LRRC9: variants seen among roughly 807,000 people sequenced by gnomAD.
LRRC9 encodes leucine rich repeat containing 9, also known as leucine-rich repeat-containing protein 9.
Under a neutral mutation model 63.2 loss-of-function variants are expected in LRRC9, and 122 were observed. The ratio of observed to expected loss-of-function variants is 1.93; its 90% CI spans 1.67 to 2.24. LRRC9 has a LOEUF of 2.24. Among genes scored for constraint, LRRC9 ranks in the 30% most tolerant of loss-of-function variants. The pLI is 0.00. For synonymous variants in LRRC9, 366 were observed against 213.1 expected, an observed-to-expected ratio of 1.72 and a Z score of -6.25; for missense variants, 1,071 against 627.7, an observed-to-expected ratio of 1.71 and a Z score of -7.55.
intron 6 of LRRC9, among the ~76,000 whole-genome samples, chr14:59,937,890 A>AC (rs2139819110): frequency 6.6e-6 from 1 of 152,192 alleles, no homozygotes; most frequent in South Asian, 2.1e-4. Flanking sequence ...AACAAAACAA[A>AC]CAAAAAAAAC....
chr14:60,006,577 A>T lies in LRRC9; in HGVS notation c.3023A>T (p.Asn1008Ile), dbSNP rs1249613353. ...ACTCTTGTTGAGTTATACATAAGCA[A>T]TAACTATATTGCTGTCAATCAGGAG... Residue 1008 changes from asparagine to isoleucine, a missense_variant, in exon 22 of 32, where the codon AAT becomes ATT. Transcript: ENST00000445360. The T allele has an allele frequency of 8.6e-6, 6 of 699,988 alleles. No individual in the cohort carries two copies. In the Admixed American group the frequency reaches 1.0e-4, roughly 12 times the overall value. The allele number at this position is 699,988 out of a possible 1,614,324, so 43.4% of individuals were successfully genotyped here.
In LRRC9 at chr14:59,966,015, T is replaced by C. The variant is rs539358245; in HGVS notation, c.1212-574T>C. 1.4e-5 allele frequency among the ~76,000 whole-genome samples: 2 copies of C among 144,454 alleles called. No homozygotes were observed. The highest frequency in any genetic ancestry group is 1.4e-4 in the Admixed American group (2 of 14,216). 94.8% of individuals were successfully genotyped at this position (144,454 alleles called of 152,430 possible). A position where few individuals can be genotyped will look rare whatever the true frequency, so the allele number is the denominator to read the frequency against. On this transcript the variant is annotated intron_variant, in intron 10 of 31. Transcript: ENST00000445360. This position sits in a 1 kb window ranked among gnomAD's most constrained non-coding sequence, Gnocchi z 4.0. Reference sequence around the variant, plus strand: ...TGCCATATACTGAGATGGAAAATACTCAGAGGAGCAGGTTTGGGGTGCAGT... The same window carrying C: ...TGCCATATACTGAGATGGAAAATACCCAGAGGAGCAGGTTTGGGGTGCAGT...
intron 15 of LRRC9, among the ~76,000 whole-genome samples, chr14:59,978,363 T>C (rs964654126): frequency 1.3e-5 from 2 of 152,228 alleles, no homozygotes; most frequent in African/African-American, 4.8e-5. Context: ...CAGTCTACTT[T>C]GAAGATTCAA....
chr14:59,975,127 G>GTATA (rs1286444884), intron 13 of LRRC9, among the ~76,000 whole-genome samples: 1 of 9,148 alleles, frequency 1.1e-4, no homozygotes, highest in African/African-American at 2.1e-4. Flanking sequence ...ATATATATAT[G>GTATA]TATATATATA....
rs974976719 is a variant in LRRC9, at chr14:59,930,467, A to G, written c.268-451A>G. Reference sequence around the variant, plus strand: ...TTTTCAGAAAATTATTATAAACTTGAAATATTTCATAATTATTAAATATAA... The same window carrying G: ...TTTTCAGAAAATTATTATAAACTTGGAATATTTCATAATTATTAAATATAA... On this transcript the variant is annotated intron_variant, in intron 3 of 31. Coordinates refer to ENST00000445360, the Ensembl canonical transcript of LRRC9. This position sits in a 1 kb window ranked among gnomAD's most constrained non-coding sequence, Gnocchi z 4.9. Among the ~76,000 whole-genome samples the G allele has an allele frequency of 5.3e-5, 8 of 152,028 alleles. No homozygotes were observed. The highest frequency in any genetic ancestry group is 4.6e-4 in the Admixed American group (7 of 15,236).
chr14:59,952,107 C>T (rs1048335293), intron 8 of LRRC9, among the ~76,000 whole-genome samples: 2 of 152,028 alleles, frequency 1.3e-5, no homozygotes, highest in African/African-American at 4.8e-5. Context: ...GCCTCGCTGC[C>T]GCCTTGCAGT....
intron 31 of LRRC9, among the ~76,000 whole-genome samples, chr14:60,059,366 C>A (rs968290644): frequency 6.6e-6 from 1 of 152,112 alleles, no homozygotes; most frequent in Non-Finnish European, 1.5e-5. Flanking sequence ...AATAACCCTA[C>A]AATGACTTCT....
At chr14:59,981,811 G>A in intron 15 of LRRC9, 37 bp from the exon 16 acceptor site, 1 of 664,620 alleles carries the variant, frequency 1.5e-6, no homozygotes, top group South Asian at 1.7e-5. Context: ...GATAAATACA[G>A]CAACTGATTT....
At chr14:60,000,412 ACCTG>A (rs1889241659) in intron 19 of LRRC9, among the ~76,000 whole-genome samples, 1 of 152,106 alleles carries the variant, frequency 6.6e-6, no homozygotes, top group Admixed American at 6.6e-5. Flanking sequence ...CTTGTAACAA[ACCTG>A]CACATGTACC....
chr14:59,997,370 A>T (rs1888908425), intron 17 of LRRC9, among the ~76,000 whole-genome samples: 1 of 152,080 alleles, frequency 6.6e-6, no homozygotes, highest in African/African-American at 2.4e-5. Flanking sequence ...GTTGGGGATA[A>T]ATTATCTTGA....
intron 29 of LRRC9, among the ~76,000 whole-genome samples, chr14:60,038,590 T>A (rs936794617): frequency 5.9e-5 from 9 of 152,210 alleles, no homozygotes; most frequent in Non-Finnish European, 8.8e-5. Flanking sequence ...TGTATAGGAA[T>A]GTTTGTAATT....
In LRRC9 at chr14:59,920,288, C is replaced by T. The variant is rs530159898; in HGVS notation, c.-34+405C>T. 2 of 152,354 alleles carry T rather than the reference C, an allele frequency of 1.3e-5. No individual in the cohort carries two copies. Among genetic ancestry groups the T allele is most frequent in the East Asian group, 3.9e-4 (2 of 5,168 alleles). The allele number at this position is 152,354 out of a possible 1,614,324, so 9.4% of individuals were successfully genotyped here. A position where few individuals can be genotyped will look rare whatever the true frequency, so the allele number is the denominator to read the frequency against. The stretch of plus-strand genomic sequence containing the variant: ...TCTGTGATAAGGTCAGAATCCGTCA[C>T]CTGGTGGCCTTCGGGCGTACATCAC... On this transcript the variant is annotated intron_variant, in intron 1 of 31. Transcript: ENST00000445360.
rs1888960809 is a variant in LRRC9 at position 59,997,851 on chromosome 14, T to C, written c.2403+4T>C. The C allele has an allele frequency of 1.5e-6, 1 of 677,218 alleles. No homozygotes were observed. Among genetic ancestry groups the C allele is most frequent in the South Asian group, 1.6e-5 (1 of 63,358 alleles). 42.0% of individuals were successfully genotyped at this position (677,218 alleles called of 1,614,324 possible). A position where few individuals can be genotyped will look rare whatever the true frequency, so the allele number is the denominator to read the frequency against. On this transcript the variant is annotated splice_donor_region_variant and intron_variant, in intron 18 of 31. Transcript: ENST00000445360. ...TCAACATAATCCATGGCAAAAGGTA[T>C]GCCACAGACATGTTACTAAAAAGCA...
In LRRC9 at chr14:60,062,894, A is replaced by ATTT. The variant is rs67053505; in HGVS notation, c.4277-417_4277-415dup. ...AGCCATGTCCCACTGAGTCCACAGT[A>ATTT]TTTTTTTTTTTTTTGAGACAGAGTT... On this transcript the variant is annotated intron_variant, in intron 31 of 31. Coordinates refer to ENST00000445360, the Ensembl canonical transcript of LRRC9. 2.8e-3 allele frequency among the ~76,000 whole-genome samples: 407 copies of ATTT among 145,634 alleles called. 3 individuals carry two copies. The highest frequency in any genetic ancestry group is 9.6e-3 in the African/African-American group (382 of 39,792).
intron 29 of LRRC9, among the ~76,000 whole-genome samples, chr14:60,035,091 G>C (rs1489045210): frequency 8.1e-6 from 1 of 123,572 alleles, no homozygotes; most frequent in Non-Finnish European, 1.8e-5. Context: ...CTGATTATTA[G>C]TGACTTTGAG....
intron 20 of LRRC9, among the ~76,000 whole-genome samples, chr14:60,002,717 C>A (rs78892504): frequency 0.014 from 2,157 of 152,242 alleles, 31 homozygotes; most frequent in Non-Finnish European, 0.025. Context: ...TGGGCTGGGC[C>A]TTGACTGCGT....
Position 59,966,466 on chromosome 14 carries a change from G to C in LRRC9, c.1212-123G>C. On this transcript the variant is annotated intron_variant, in intron 10 of 31. Coordinates refer to ENST00000445360, the Ensembl canonical transcript of LRRC9. The surrounding 1 kb of genome is among the most constrained non-coding windows in gnomAD (Gnocchi z 4.0). ...TAAACGGAGCCACTATATGATTACT[G>C]TATCTTTAGCAAAAGACACAAAATA... 2.2e-6 allele frequency: 1 copy of C among 458,460 alleles called. No individual in the cohort carries two copies. Among genetic ancestry groups the C allele is most frequent in the Non-Finnish European group, 3.9e-6 (1 of 258,300 alleles). The allele number at this position is 458,460 out of a possible 1,614,324, so 28.4% of individuals were successfully genotyped here. A position where few individuals can be genotyped will look rare whatever the true frequency, so the allele number is the denominator to read the frequency against.
rs888923536 is a variant in LRRC9 at position 60,053,086 on chromosome 14, C to T, written c.4012C>T (p.Arg1338Cys). The T allele has an allele frequency of 8.6e-6, 6 of 697,650 alleles. No homozygotes were observed. The highest frequency in any genetic ancestry group is 1.5e-5 in the South Asian group (1 of 66,280). 43.2% of individuals were successfully genotyped at this position (697,650 alleles called of 1,614,324 possible). A position where few individuals can be genotyped will look rare whatever the true frequency, so the allele number is the denominator to read the frequency against. The change falls in exon 30 of 32, where the codon CGC (arginine) becomes TGC (cysteine). Residue 1338 changes from arginine to cysteine, a missense_variant. Coordinates refer to ENST00000445360, the Ensembl canonical transcript of LRRC9. The surrounding 1 kb of genome is among the most constrained non-coding windows in gnomAD (Gnocchi z 4.8). ...TCAGATTTGTAGAAAAATGCTACAT[C>T]GCCACATGCTTATATTTCGACTGCC...
chr14:59,937,257 T>C (rs1039938901), intron 6 of LRRC9, among the ~76,000 whole-genome samples: 3 of 151,236 alleles, frequency 2.0e-5, no homozygotes, highest in African/African-American at 4.9e-5. Context: ...GGGCCACATG[T>C]AGCCTCTACT....
Sources: gnomAD v4.1 joint callset for allele counts (sites outside exome capture counted in the v4.1 genomes callset) on GRCh38, gnomAD v4.1.1 for gene constraint, Gnocchi (gnomAD v3.1) non-coding constraint, MANE v1.5 for transcripts, NCBI Gene and HGNC (gene_info 2026-07-23, HGNC 2026-07-21) for gene names.